Variants in ARAP2 observed in about 807,000 individuals in gnomAD.
The protein encoded by ARAP2 is arf-GAP with Rho-GAP domain, ANK repeat and PH domain-containing protein 2.
Under a neutral mutation model 194.5 loss-of-function variants are expected in ARAP2, and 148 were observed. The observed-to-expected ratio is 0.76, with a 90% CI of 0.67 to 0.87. The LOEUF is 0.87. ARAP2 is among the 40% of genes least tolerant of loss of function. ARAP2 has a pLI of 0.00. For missense variants in ARAP2, 2,128 were observed against 1,989.7 expected (o/e 1.07, Z -1.32); for synonymous variants, 695 against 683.5 (o/e 1.02, Z -0.26).
chr4:36,025,973 T>C (rs1478262324), intron 5 of ARAP2, among the ~76,000 whole-genome samples: 1 of 152,154 alleles, frequency 6.6e-6, no homozygotes, highest in Non-Finnish European at 1.5e-5. Flanking sequence ...CTGTAATAGT[T>C]AGAAATGGTT....
At chr4:36,156,119 TA>T (rs1732232566) in intron 15 of ARAP2, among the ~76,000 whole-genome samples, 1 of 151,646 alleles carries the variant, frequency 6.6e-6, no homozygotes, top group Non-Finnish European at 1.5e-5. Context: ...TCATCTCTAC[TA>T]AAAATACAAA....
intron 2 of ARAP2, among the ~76,000 whole-genome samples, chr4:36,220,228 CGTGT>C (rs112046124): frequency 4.7e-5 from 7 of 149,542 alleles, no homozygotes; most frequent in African/African-American, 1.5e-4. Context: ...TATAGGCACA[CGTGT>C]GTGTGTGTGT....
chr4:36,135,327 C>A (rs748920790), intron 19 of ARAP2, among the ~76,000 whole-genome samples: 1 of 151,654 alleles, frequency 6.6e-6, no homozygotes, highest in Non-Finnish European at 1.5e-5. Context: ...AAAAAACTTC[C>A]TTTCTTTCCT....
At chr4:36,063,534 A>G (rs1724821759), downstream of ARAP2, among the ~76,000 whole-genome samples, 1 of 152,026 alleles carries the variant, frequency 6.6e-6, no homozygotes, top group South Asian at 2.1e-4. Context: ...GCTGCCTCAA[A>G]CTCTGACTAG....
chr4:36,114,587 C>T (rs184391938), intron 25 of ARAP2, among the ~76,000 whole-genome samples: 112 of 152,146 alleles, frequency 7.4e-4, no homozygotes, highest in African/African-American at 2.7e-3. Flanking sequence ...TGACCTTCGC[C>T]AGACAATGAA....
chr4:36,036,270 C>T (rs1403739380), intron 5 of ARAP2, among the ~76,000 whole-genome samples: 1 of 152,000 alleles, frequency 6.6e-6, no homozygotes, highest in East Asian at 1.9e-4. Context: ...TGAGGAGAAC[C>T]GGCATGTTTA....
chr4:36,152,826 T>C (rs552023843), intron 15 of ARAP2, among the ~76,000 whole-genome samples: 6 of 152,326 alleles, frequency 3.9e-5, no homozygotes, highest in South Asian at 4.1e-4. Flanking sequence ...AAGGTGAAAC[T>C]GCAAAAACCC....
At chr4:36,110,490 T>C (rs1719669323) in intron 26 of ARAP2, among the ~76,000 whole-genome samples, 1 of 151,896 alleles carries the variant, frequency 6.6e-6, no homozygotes, top group Non-Finnish European at 1.5e-5. Context: ...TTAAATTTCT[T>C]TCAAGATGTG....
At chr4:36,160,817 T>C (rs1183097442) in intron 12 of ARAP2, among the ~76,000 whole-genome samples, 176 bp from the exon 13 acceptor site, 1 of 152,136 alleles carries the variant, frequency 6.6e-6, no homozygotes, top group Non-Finnish European at 1.5e-5. Context: ...CTATGATCAG[T>C]TTTTAATACA....
At chr4:36,041,377 C>T (rs373282789) in intron 5 of ARAP2, among the ~76,000 whole-genome samples, 1 of 152,066 alleles carries the variant, frequency 6.6e-6, no homozygotes, top group Admixed American at 6.6e-5. Context: ...AAAGAATGAA[C>T]AGACACTTTT....
chr4:36,156,766 C>A (rs1732650307), intron 15 of ARAP2, among the ~76,000 whole-genome samples: 1 of 152,030 alleles, frequency 6.6e-6, no homozygotes, highest in Non-Finnish European at 1.5e-5. Context: ...GAATACCCTG[C>A]CAGATTATGT....
At chr4:36,080,334 T>G in intron 30 of ARAP2, 55 bp from the exon 31 acceptor site, 2 of 1,406,420 alleles carry the variant, frequency 1.4e-6, no homozygotes, top group African/African-American at 1.4e-5. Flanking sequence ...GACTGTTCTC[T>G]AGTGTATCTG....
intron 1 of ARAP2, among the ~76,000 whole-genome samples, chr4:36,237,929 G>C (rs1752741679): frequency 1.3e-5 from 2 of 152,212 alleles, no homozygotes; most frequent in Non-Finnish European, 2.9e-5. Flanking sequence ...GTGTTTTAGA[G>C]AAAATATGCT....
At chr4:36,225,969 C>T (rs1379140367) in intron 2 of ARAP2, among the ~76,000 whole-genome samples, 4 of 151,982 alleles carry the variant, frequency 2.6e-5, no homozygotes, top group Non-Finnish European at 1.5e-5. Context: ...TATTATAACA[C>T]TTTAAAATCA....
intron 1 of ARAP2, among the ~76,000 whole-genome samples, chr4:36,059,862 G>T (rs1724126234): frequency 1.3e-5 from 2 of 152,266 alleles, no homozygotes; most frequent in South Asian, 2.1e-4. Flanking sequence ...GAATAAGGTT[G>T]TTCTGACCTT....
intron 19 of ARAP2, among the ~76,000 whole-genome samples, chr4:36,136,748 C>T (rs1433273150): frequency 5.3e-5 from 8 of 150,550 alleles, no homozygotes; most frequent in South Asian, 2.1e-4. Context: ...AAGAATTAGC[C>T]GATGTAACCA....
At chr4:36,121,450 G>T in intron 22 of ARAP2, 124 bp from the exon 23 acceptor site, 2 of 849,614 alleles carry the variant, frequency 2.4e-6, no homozygotes, top group Non-Finnish European at 3.5e-6. Flanking sequence ...AAGATACAGT[G>T]GTGACTTAAA....
chr4:36,143,893 G>A (rs1054344586), intron 19 of ARAP2, among the ~76,000 whole-genome samples: 25 of 151,704 alleles, frequency 1.6e-4, no homozygotes, highest in Admixed American at 6.6e-4. Flanking sequence ...CATTATTTTG[G>A]AATTTCATTA....
At chr4:36,129,076 T>C (rs1342256145) in intron 20 of ARAP2, among the ~76,000 whole-genome samples, 1 of 151,970 alleles carries the variant, frequency 6.6e-6, no homozygotes, top group Non-Finnish European at 1.5e-5. Flanking sequence ...CTTACCTCCA[T>C]TTCTCACTGA....
Sources: allele counts gnomAD v4.1 joint callset (sites outside exome capture counted in the v4.1 genomes callset), GRCh38; gene constraint gnomAD v4.1.1; transcripts MANE v1.5; gene names NCBI Gene and HGNC (gene_info 2026-07-23, HGNC 2026-07-21).